The following LEPR variants were observed in gnomAD, a reference collection of about 807,000 sequenced individuals.
LEPR encodes OB receptor.
In LEPR, 56 loss-of-function variants were observed where a neutral mutation model predicts 114.7. That is an observed-to-expected ratio of 0.49 (90% CI 0.39 to 0.61). The LOEUF (loss-of-function observed/expected upper bound fraction) is 0.61, where lower values mean the gene tolerates loss of function less well. Ranked by LOEUF, LEPR falls within the 20% of genes least tolerant of loss-of-function variation. The pLI, the probability that LEPR is intolerant of heterozygous loss-of-function variation, is 0.00. For missense variants in LEPR, 1,202 were observed against 1,352.9 expected, an observed-to-expected ratio of 0.89 and a Z score of 1.75; for synonymous variants, 443 against 461.4, an observed-to-expected ratio of 0.96 and a Z score of 0.51.
At chr1:65,546,210 G>A (rs1209549221) in intron 2 of LEPR, among the ~76,000 whole-genome samples, 1 of 152,146 alleles carries the variant, frequency 6.6e-6, no homozygotes, top group African/African-American at 2.4e-5. Context: ...GGTTACTGTA[G>A]CCTTGTAGTA....
chr1:65,448,154 G>A (rs1222059853), intron 2 of LEPR, among the ~76,000 whole-genome samples: 1 of 152,060 alleles, frequency 6.6e-6, no homozygotes, highest in East Asian at 1.9e-4. Flanking sequence ...TTAGCTGCAG[G>A]TTTTTTGTAG....
At chr1:65,525,258 A>C (rs757856239) in intron 2 of LEPR, among the ~76,000 whole-genome samples, 14 of 139,930 alleles carry the variant, frequency 1.0e-4, no homozygotes, top group Non-Finnish European at 1.1e-4. Context: ...CTGCTGCTGC[A>C]GAGTTCTGGA....
intron 5 of LEPR, among the ~76,000 whole-genome samples, chr1:65,572,818 A>G (rs184202788): frequency 3.9e-4 from 60 of 152,294 alleles, no homozygotes; most frequent in Middle Eastern, 6.8e-3. Flanking sequence ...TCAGCAGCTT[A>G]CTCAAACTAG....
intron 2 of LEPR, among the ~76,000 whole-genome samples, chr1:65,455,954 T>C (rs893282680): frequency 6.6e-6 from 1 of 152,172 alleles, no homozygotes; most frequent in African/African-American, 2.4e-5. Flanking sequence ...CATAGGACCC[T>C]CCGAGCCAGG....
intron 2 of LEPR, among the ~76,000 whole-genome samples, chr1:65,472,645 CACAT>C (rs1238306839): frequency 2.8e-5 from 4 of 142,000 alleles, no homozygotes; most frequent in Admixed American, 7.2e-5. Flanking sequence ...CACACACACA[CACAT>C]ATATTTCTTT....
chr1:65,598,416 A>G (rs1656224585), intron 7 of LEPR, among the ~76,000 whole-genome samples: 1 of 152,078 alleles, frequency 6.6e-6, no homozygotes, highest in Non-Finnish European at 1.5e-5. Context: ...TCATGATTCA[A>G]TTAACAGTAT....
chr1:65,551,961 T>C (rs1176270974), intron 2 of LEPR, among the ~76,000 whole-genome samples: 1 of 152,162 alleles, frequency 6.6e-6, no homozygotes, highest in African/African-American at 2.4e-5. Context: ...ATTTCATTAT[T>C]TACCCAGTAG....
chr1:65,520,099 G>A (rs1223197389), intron 2 of LEPR, among the ~76,000 whole-genome samples: 1 of 152,090 alleles, frequency 6.6e-6, no homozygotes, highest in Non-Finnish European at 1.5e-5. Flanking sequence ...TCCTGACCTC[G>A]TGATCTGCCA....
intron 5 of LEPR, among the ~76,000 whole-genome samples, chr1:65,579,851 A>T (rs557088832): frequency 6.8e-4 from 103 of 152,268 alleles, no homozygotes; most frequent in African/African-American, 2.4e-3. Flanking sequence ...TATAAATTTG[A>T]ATAGTTACTT....
At chr1:65,606,900 T>C (rs145480802) in intron 11 of LEPR, among the ~76,000 whole-genome samples, 2 of 152,322 alleles carry the variant, frequency 1.3e-5, no homozygotes, top group East Asian at 3.9e-4. Flanking sequence ...CAGTCAAAAG[T>C]ATTATTGTTG....
chr1:65,459,898 A>C (rs1384804283), intron 2 of LEPR, among the ~76,000 whole-genome samples: 1 of 152,134 alleles, frequency 6.6e-6, no homozygotes, highest in Non-Finnish European at 1.5e-5. Context: ...GCTTGGAACA[A>C]GTTTCCCCTA....
rs1260560910 is a variant in LEPR at position 65,546,123 on chromosome 1, T to C, written c.-20-19423T>C. 7.2e-5 allele frequency among the ~76,000 whole-genome samples: 11 copies of C among 152,200 alleles called. No homozygotes were observed. The East Asian group carries it at 1.9e-3, about 27-fold the overall frequency. ...GTCAAAGATCAGATAGTTGTAGATA[T>C]GCAGTGTTATTTCTGAGGGCTCTGT... On this transcript the variant is annotated intron_variant, in intron 2 of 19. Transcript: ENST00000349533.
intron 2 of LEPR, among the ~76,000 whole-genome samples, chr1:65,458,418 T>A (rs1646905201): frequency 6.6e-6 from 1 of 152,218 alleles, no homozygotes; most frequent in Non-Finnish European, 1.5e-5. Context: ...TTTGTTTCCC[T>A]TTTGAATGAA....
At chr1:65,626,497 G>A (rs1244074584) in intron 19 of LEPR, among the ~76,000 whole-genome samples, 1 of 152,014 alleles carries the variant, frequency 6.6e-6, no homozygotes, top group Non-Finnish European at 1.5e-5. Context: ...ACACTATTAG[G>A]AATAAATTAG....
intron 2 of LEPR, chr1:65,429,807 T>C (rs1646451307): frequency 1.5e-6 from 2 of 1,333,926 alleles, no homozygotes; most frequent in South Asian, 4.4e-5. Flanking sequence ...ATGTCTTTCA[T>C]TTAAAATGTA....
At chr1:65,515,733 A>G (rs1215384374) in intron 2 of LEPR, among the ~76,000 whole-genome samples, 1 of 152,226 alleles carries the variant, frequency 6.6e-6, no homozygotes, top group Non-Finnish European at 1.5e-5. Flanking sequence ...TGGAGCAACT[A>G]TATGAGTAGA....
intron 2 of LEPR, among the ~76,000 whole-genome samples, chr1:65,456,190 C>T (rs766469137): frequency 6.6e-6 from 1 of 152,042 alleles, no homozygotes. Context: ...TCTGGCACTC[C>T]CTAGTGAGAT....
intron 2 of LEPR, among the ~76,000 whole-genome samples, chr1:65,531,551 T>C (rs1355008805): frequency 1.3e-5 from 2 of 152,016 alleles, no homozygotes; most frequent in Non-Finnish European, 2.9e-5. Context: ...TCCACTAGAA[T>C]GTGAACTCCA....
intron 5 of LEPR, among the ~76,000 whole-genome samples, chr1:65,588,157 T>C (rs1391484660): frequency 5.3e-5 from 8 of 152,034 alleles, no homozygotes; most frequent in Non-Finnish European, 1.5e-5. Flanking sequence ...CTATAGTCAC[T>C]TCATTTACAC....
Sources: gnomAD v4.1 joint callset for allele counts (sites outside exome capture counted in the v4.1 genomes callset) on GRCh38, gnomAD v4.1.1 for gene constraint, MANE v1.5 for transcripts, NCBI Gene and HGNC (gene_info 2026-07-23, HGNC 2026-07-21) for gene names.